Variants in APPL1 observed in about 807,000 individuals in gnomAD.
The protein encoded by APPL1 is DCC-interacting protein 13-alpha.
A neutral mutation model predicts 106.8 loss-of-function variants in APPL1; 42 were observed. The ratio of observed to expected loss-of-function variants is 0.39; its 90% CI spans 0.31 to 0.51. APPL1 has a LOEUF of 0.51. Ranked by LOEUF, APPL1 falls within the 20% of genes least tolerant of loss-of-function variation. APPL1 has a pLI of 0.75. For missense variants in APPL1, 769 were observed against 858.2 expected (o/e 0.90, Z 1.30); for synonymous variants, 263 against 281.8 (o/e 0.93, Z 0.67).
In APPL1 at chr3:57,248,341, A is replaced by G. The variant is rs1274844992; in HGVS notation, c.853A>G (p.Asn285Asp). 6.2e-7 allele frequency: 1 copy of G among 1,613,856 alleles called. No homozygotes were observed. The highest frequency in any genetic ancestry group is 8.5e-7 in the Non-Finnish European group (1 of 1,179,924). The change falls in exon 10 of 22, where the codon AAT becomes GAT. Residue 285 changes from asparagine (N) to aspartate (D), a missense_variant. By Grantham distance (23) the Asn-to-Asp change is conservative. Coordinates refer to ENST00000288266, the MANE Select transcript of APPL1 (RefSeq NM_012096.3). ...TTTAACCCGAAAGGCTGGATACCTT[A>G]ATGCTAGGAAGTAAGAAAACTATTG... is the stretch of plus-strand genomic sequence containing the variant. ...RNLTRKAGYL[N>D]ARNKTGLVSS...
intron 5 of APPL1, among the ~76,000 whole-genome samples, chr3:57,240,828 G>A (rs561702522): frequency 6.6e-6 from 1 of 152,332 alleles, no homozygotes; most frequent in Admixed American, 6.5e-5. Context: ...TAGGGAATGA[G>A]CAAGGTGCTG....
chr3:57,264,875 G>A (rs1262020060), intron 19 of APPL1, among the ~76,000 whole-genome samples: 1 of 151,404 alleles, frequency 6.6e-6, no homozygotes, highest in African/African-American at 2.4e-5. Context: ...TTGAAGTCAG[G>A]TAATGTGATT....
In APPL1 at chr3:57,230,441, G is replaced by GT. The variant is rs879834924; in HGVS notation, c.54+2514dup. On this transcript the variant is annotated intron_variant, in intron 1 of 21. Coordinates refer to ENST00000288266, the MANE Select transcript of APPL1 (RefSeq NM_012096.3). ...AACAGTTTGCTTTCTTTATTCTACT[G>GT]TTTTTTTTTTCTTCTACATGTTTTA... Among the ~76,000 whole-genome samples, 210 of 148,754 alleles carry GT rather than the reference G, an allele frequency of 1.4e-3. 1 individual carries two copies. The highest frequency in any genetic ancestry group is 3.7e-3 in the African/African-American group (152 of 40,662).
intron 19 of APPL1, among the ~76,000 whole-genome samples, chr3:57,265,808 A>G (rs2060891767): frequency 6.6e-6 from 1 of 152,172 alleles, no homozygotes; most frequent in Admixed American, 6.6e-5. Flanking sequence ...TTCTGCATTC[A>G]GTATGATACT....
In APPL1 at chr3:57,270,688, T is replaced by C. The variant is rs1185590185; in HGVS notation, c.*1001T>C. ...GACTGATATATTCCCAGTATTTTCA[T>C]AATGCCATGTTTTGATAAAGTACTG... On this transcript the variant is annotated 3_prime_UTR_variant, in exon 22 of 22. Coordinates refer to ENST00000288266, the MANE Select transcript of APPL1 (RefSeq NM_012096.3). The C allele has an allele frequency of 1.3e-5, 2 of 152,604 alleles. No individual in the cohort carries two copies. Among genetic ancestry groups the C allele is most frequent in the African/African-American group, 2.4e-5 (1 of 41,466 alleles). 9.5% of individuals were successfully genotyped at this position (152,604 alleles called of 1,614,324 possible). A position where few individuals can be genotyped will look rare whatever the true frequency, so the allele number is the denominator to read the frequency against.
chr3:57,249,554 T>TTTCG lies in APPL1; in HGVS notation c.1052+6_1052+7insTTCG. On this transcript the variant is annotated splice_region_variant and intron_variant, in intron 11 of 21. Coordinates refer to ENST00000288266, the MANE Select transcript of APPL1 (RefSeq NM_012096.3). ...ACCTCTTTCGATGGAAAAAAGTTAG[T>TTTCG]ATTTTTTTTCTACTACTACTAATCT... 1 of 1,551,136 alleles carries TTTCG rather than the reference T, an allele frequency of 6.4e-7. No homozygotes were observed. The highest frequency in any genetic ancestry group is 1.2e-5 in the South Asian group (1 of 80,186).
At position 57,260,246 on chromosome 3, in the gene APPL1, G is replaced by A. The variant is rs549610030; in HGVS notation, c.1695+93G>A. On this transcript the variant is annotated intron_variant, in intron 18 of 21. Transcript: ENST00000288266. ...AATAATCCTGATCCTGTATATTCAA[G>A]TGTGATAGTATCAGCTATGATTGGT... 1.6e-5 allele frequency: 22 copies of A among 1,335,522 alleles called. No individual in the cohort carries two copies. The South Asian group carries it at 2.8e-4, about 17-fold the overall frequency. 82.7% of individuals were successfully genotyped at this position (1,335,522 alleles called of 1,614,324 possible). A position where few individuals can be genotyped will look rare whatever the true frequency, so the allele number is the denominator to read the frequency against.
At chr3:57,253,862 CTT>C (rs376268369) in intron 13 of APPL1, 124 bp downstream of exon 13, 13,310 of 373,824 alleles carry the variant, frequency 0.036, no homozygotes, top group South Asian at 0.065. Flanking sequence ...GAATGAGTAG[CTT>C]TTTTTTTTTT....
At chr3:57,244,704 G>A (rs1033880042) in intron 7 of APPL1, among the ~76,000 whole-genome samples, 2 of 152,074 alleles carry the variant, frequency 1.3e-5, no homozygotes, top group Non-Finnish European at 2.9e-5. Context: ...TGTGTTAGAG[G>A]GAGTGGACAG....
intron 11 of APPL1, among the ~76,000 whole-genome samples, chr3:57,250,152 T>C (rs1313987688): frequency 6.6e-6 from 1 of 152,200 alleles, no homozygotes; most frequent in African/African-American, 2.4e-5. Flanking sequence ...TTCTGTTACC[T>C]TTTTTTGAGG....
intron 4 of APPL1, among the ~76,000 whole-genome samples, chr3:57,240,189 TTGA>T (rs769294727): frequency 4.6e-5 from 7 of 151,894 alleles, no homozygotes; most frequent in Non-Finnish European, 7.4e-5. Context: ...GTTTTAAATT[TTGA>T]TGATGTCCAT....
chr3:57,229,816 T>C (rs1045318607), intron 1 of APPL1, among the ~76,000 whole-genome samples: 2 of 149,802 alleles, frequency 1.3e-5, no homozygotes, highest in Non-Finnish European at 2.9e-5. Flanking sequence ...CGGGTTCAAG[T>C]GATTCTCATG....
At chr3:57,249,640 AT>A in intron 11 of APPL1, 92 bp downstream of exon 11, 1 of 1,165,832 alleles carries the variant, frequency 8.6e-7, no homozygotes, top group South Asian at 1.8e-5. Context: ...TTTTATGGAC[AT>A]TTTAGGTTCA....
chr3:57,248,081 C>T (rs562022196), intron 9 of APPL1, 112 bp from the exon 10 acceptor site: 3 of 1,097,044 alleles, frequency 2.7e-6, no homozygotes, highest in African/African-American at 3.1e-5. Flanking sequence ...CCACCCATGC[C>T]GCTCTTCCTC....
intron 19 of APPL1, among the ~76,000 whole-genome samples, chr3:57,262,385 CTTTTTTTTTTTTTTTTTTT>C (rs373526618): frequency 3.4e-5 from 1 of 29,056 alleles, no homozygotes; most frequent in Non-Finnish European, 6.2e-5. Flanking sequence ...GGAAAATAAC[CTTTTTTTTTTTTTTTTTTT>C]TTTTTTGAGA....
At chr3:57,251,705 A>G in intron 11 of APPL1, among the ~76,000 whole-genome samples, 1 of 152,172 alleles carries the variant, frequency 6.6e-6, no homozygotes, top group African/African-American at 2.4e-5. Flanking sequence ...GTTACTTACT[A>G]TTAAGTATTT....
chr3:57,257,302 C>T lies in APPL1; in HGVS notation c.1304C>T (p.Ser435Phe), dbSNP rs2060842331. 2 of 1,614,008 alleles carry T rather than the reference C, an allele frequency of 1.2e-6. No homozygotes were observed. Among genetic ancestry groups the T allele is most frequent in the African/African-American group, 1.3e-5 (1 of 74,904 alleles). ...AGTTCAGGATCCTTAGGATCTGAGT[C>T]TACAAATTTGGCTGCCCTCTCTCTA... ...TSSSGSLGSESTNLAALSLDS... is the reference protein window; with the variant it reads ...TSSSGSLGSEFTNLAALSLDS... Residue 435 changes from serine (S) to phenylalanine (F), a missense_variant, in exon 15 of 22, where the codon TCT becomes TTT. Transcript: ENST00000288266.
chr3:57,240,455 C>T lies in APPL1; in HGVS notation c.286-10C>T. 1 of 1,612,344 alleles carries T rather than the reference C, an allele frequency of 6.2e-7. No individual in the cohort carries two copies. The highest frequency in any genetic ancestry group is 8.5e-7 in the Non-Finnish European group (1 of 1,178,932). On this transcript the variant is annotated splice_polypyrimidine_tract_variant and intron_variant, in intron 4 of 21. Transcript: ENST00000288266. ...TAGTTATTTGGCCTTTTTGGTCTTT[C>T]TTTTTCTAGCTTAGCTCTTGTCATG...
chr3:57,237,532 TA>T lies in APPL1; in HGVS notation c.198del (p.Glu67AsnfsTer16), dbSNP rs1212559870. 6.2e-7 allele frequency: 1 copy of T among 1,600,568 alleles called. No individual in the cohort carries two copies. Among genetic ancestry groups the T allele is most frequent in the Non-Finnish European group, 8.5e-7 (1 of 1,173,012 alleles). On this transcript the variant is annotated frameshift_variant, in exon 3 of 22. Transcript: ENST00000288266. LOFTEE classifies it high-confidence loss of function. The stretch of plus-strand genomic sequence containing the variant: ...GCAACACACCTGACCTCAAAACTTT[TA>T]AAAGAATATGAAAAACAGGTATTGT... ...SAATHLTSKL[L>X]KEYEKQRFPL...
Sources: allele counts gnomAD v4.1 joint callset (sites outside exome capture counted in the v4.1 genomes callset), GRCh38; gene constraint gnomAD v4.1.1; transcripts MANE v1.5; gene names NCBI Gene and HGNC (gene_info 2026-07-23, HGNC 2026-07-21).